MICALL2: variants seen among roughly 807,000 people sequenced by gnomAD.
MICALL2 encodes the protein MICAL like 2, also known as MICAL-like protein 2.
In MICALL2, 111 loss-of-function variants were observed where a neutral mutation model predicts 91.1. The ratio of observed to expected loss-of-function variants is 1.22; its 90% confidence interval spans 1.04 to 1.43. The LOEUF (loss-of-function observed/expected upper bound fraction) is 1.43, where lower values mean the gene tolerates loss of function less well. Ranked by LOEUF, MICALL2 falls within the 40% of genes most tolerant of loss-of-function variation. The pLI, the probability that MICALL2 is intolerant of heterozygous loss-of-function variation, is 0.00. For missense variants in MICALL2, 1,556 were observed against 1,236.0 expected (o/e 1.26, Z -3.88); for synonymous variants, 694 against 525.3 (o/e 1.32, Z -4.39).
In MICALL2 at chr7:1,451,544, G is replaced by A. The variant is rs1479288297; in HGVS notation, c.144-1256C>T. Among the ~76,000 whole-genome samples the A allele has an allele frequency of 6.6e-6, 1 of 152,216 alleles. No homozygotes were observed. The highest frequency in any genetic ancestry group is 1.5e-5 in the Non-Finnish European group (1 of 68,034). On this transcript the variant is annotated intron_variant, in intron 1 of 16. Transcript: ENST00000297508. This position sits in a 1 kb window ranked among gnomAD's most constrained non-coding sequence, Gnocchi z 4.5. ...TGATCGTGACCCGTCTGTCCACGTTGCTGCCTGTGGGGTCCCGGACAGCAG... is the reference window on the plus strand; with the variant it reads ...TGATCGTGACCCGTCTGTCCACGTTACTGCCTGTGGGGTCCCGGACAGCAG...
chr7:1,445,020 T>G lies in MICALL2; in HGVS notation c.1050A>C (p.Ser350=). 6.6e-7 allele frequency: 1 copy of G among 1,525,752 alleles called. No individual in the cohort carries two copies. The highest frequency in any genetic ancestry group is 8.8e-7 in the Non-Finnish European group (1 of 1,134,666). The allele number at this position is 1,525,752 out of a possible 1,614,324, so 94.5% of individuals were successfully genotyped here. A position where few individuals can be genotyped will look rare whatever the true frequency, so the allele number is the denominator to read the frequency against. Residue 350 remains serine (S), a synonymous_variant, in exon 6 of 17, where the codon TCA becomes TCC. Transcript: ENST00000297508. The part of the protein sequence containing the change: ...VTNSSPMGWS[S]AAPCTAAAAS... ...CAGCCGCTGCTGTGCACGGGGCAGCTGACGACCAGCCCATCGGGGAGCTAT... is the reference window on the plus strand; with the variant it reads ...CAGCCGCTGCTGTGCACGGGGCAGCGGACGACCAGCCCATCGGGGAGCTAT...
At chr7:1,440,795 G>C in intron 7 of MICALL2, 111 bp from the exon 8 acceptor site, 4 of 907,220 alleles carry the variant, frequency 4.4e-6, no homozygotes, top group Non-Finnish European at 7.0e-6. Flanking sequence ...TCCACCCTCA[G>C]ACACCCCCAC....
rs1034417585 is a variant in MICALL2, at chr7:1,452,041, G to A, written c.144-1753C>T. On this transcript the variant is annotated intron_variant, in intron 1 of 16. Coordinates refer to ENST00000297508, the MANE Select transcript of MICALL2 (RefSeq NM_182924.4). This position sits in a 1 kb window ranked among gnomAD's most constrained non-coding sequence, Gnocchi z 6.2. ...TCTCTCCTTAGGAAGCCCCCGCCCC[G>A]TCCGCCTGCAGCCCTGCCGTCCATC... Among the ~76,000 whole-genome samples the A allele has an allele frequency of 9.2e-5, 14 of 152,226 alleles. No homozygotes were observed. Among genetic ancestry groups the A allele is most frequent in the Non-Finnish European group, 1.3e-4 (9 of 68,002 alleles).
rs1371485202 is a variant in MICALL2, at chr7:1,439,718, C to T, written c.1966+207G>A. Reference sequence around the variant, plus strand: ...ATGCATCACGCATGGATACAGGCATCACATACATGAACACATGCACACATG... The same window carrying T: ...ATGCATCACGCATGGATACAGGCATTACATACATGAACACATGCACACATG... On this transcript the variant is annotated intron_variant, in intron 9 of 16. Coordinates refer to ENST00000297508, the MANE Select transcript of MICALL2 (RefSeq NM_182924.4). The T allele has an allele frequency of 2.0e-4, 89 of 441,600 alleles. No individual in the cohort carries two copies. The Admixed American group carries it at 3.8e-3, about 19-fold the overall frequency. 27.4% of individuals were successfully genotyped at this position (441,600 alleles called of 1,614,324 possible).
Position 1,435,151 on chromosome 7 carries a change from A to C in MICALL2, c.2592-4T>G. The C allele has an allele frequency of 1.2e-6, 2 of 1,613,440 alleles. No homozygotes were observed. Among genetic ancestry groups the C allele is most frequent in the Admixed American group, 1.7e-5 (1 of 60,022 alleles). Reference sequence around the variant, plus strand: ...CATCTGATCCTCCTCTTGTTCCCTGAAACGGGACCAGATGGCCATGAGCGA... The same window carrying C: ...CATCTGATCCTCCTCTTGTTCCCTGCAACGGGACCAGATGGCCATGAGCGA... On this transcript the variant is annotated splice_polypyrimidine_tract_variant and splice_region_variant and intron_variant, in intron 15 of 16. Transcript: ENST00000297508.
At chr7:1,440,411 C>A in intron 8 of MICALL2, 180 bp downstream of exon 8, 1 of 658,784 alleles carries the variant, frequency 1.5e-6, no homozygotes, top group Admixed American at 2.5e-5. Context: ...CGCAACGCTG[C>A]CCCCAAACCA....
rs1562454979 is a variant in MICALL2 at position 1,442,321 on chromosome 7, CCTGAGAGGTA to C, written c.1572_1581del (p.Ser524ArgfsTer42). ...CTGCCTGCCGGGGGCAACGCGGATG[CCTGAGAGGTA>C]CTGCTCGTGCTCAGCGGGGCTGGCG... is the stretch of plus-strand genomic sequence containing the variant. On this transcript the variant is annotated frameshift_variant, in exon 7 of 17. Transcript: ENST00000297508. LOFTEE classifies it high-confidence loss of function. 8.1e-6 allele frequency: 13 copies of C among 1,613,228 alleles called. No individual in the cohort carries two copies. The highest frequency in any genetic ancestry group is 1.1e-5 in the Non-Finnish European group (13 of 1,179,914).
chr7:1,458,332 C>A lies in MICALL2; in HGVS notation c.143+852G>T, dbSNP rs953520910. Among the ~76,000 whole-genome samples, 21 of 152,328 alleles carry A rather than the reference C, an allele frequency of 1.4e-4. 1 individual carries two copies. In the South Asian group the frequency reaches 4.4e-3, roughly 32 times the overall value. On this transcript the variant is annotated intron_variant, in intron 1 of 16. Coordinates refer to ENST00000297508, the MANE Select transcript of MICALL2 (RefSeq NM_182924.4). The stretch of plus-strand genomic sequence containing the variant: ...TCCTCCCAACCCCGAGACCTTCCCA[C>A]CAAAAACACACTCAGGAGAACGCTT...
At chr7:1,449,601 T>C (rs899003288) in intron 2 of MICALL2, among the ~76,000 whole-genome samples, 50 of 152,356 alleles carry the variant, frequency 3.3e-4, no homozygotes, top group African/African-American at 1.2e-3. Context: ...GCCGGGCAGG[T>C]ATGACTGTCT....
intron 1 of MICALL2, among the ~76,000 whole-genome samples, chr7:1,455,897 G>A (rs1229800960): frequency 2.0e-5 from 3 of 151,958 alleles, no homozygotes; most frequent in East Asian, 1.9e-4. Context: ...TGGCAAGGGC[G>A]GGGCCTCACA....
In MICALL2 at chr7:1,434,582, G is replaced by C. The variant is rs374801423; in HGVS notation, c.*14C>G. On this transcript the variant is annotated 3_prime_UTR_variant, in exon 17 of 17. Transcript: ENST00000297508. ...GATGCCAGGTCCGGGCCGAGCCCAC[G>C]GCCCTACTGGCTACTACTGGGAGGG... is the stretch of plus-strand genomic sequence containing the variant. 6.2e-6 allele frequency: 10 copies of C among 1,607,468 alleles called. No individual in the cohort carries two copies. The highest frequency in any genetic ancestry group is 8.5e-6 in the Non-Finnish European group (10 of 1,174,490).
At chr7:1,450,774 G>A (rs1281596267) in intron 1 of MICALL2, among the ~76,000 whole-genome samples, 1 of 152,180 alleles carries the variant, frequency 6.6e-6, no homozygotes, top group Non-Finnish European at 1.5e-5. Context: ...GGCCAGCCAC[G>A]CTGCCCCCGA....
intron 2 of MICALL2, 125 bp downstream of exon 2, chr7:1,450,115 C>G (rs1024113491): frequency 6.7e-6 from 5 of 749,904 alleles, no homozygotes; most frequent in South Asian, 6.3e-5. Flanking sequence ...AGGGAGCCCC[C>G]GATTCCCAGG....
In MICALL2 at chr7:1,444,858, T is replaced by G. The variant is rs771879272; in HGVS notation, c.1212A>C (p.Pro404=). Residue 404 remains proline, a synonymous_variant, in exon 6 of 17, where the codon CCA becomes CCC. Coordinates refer to ENST00000297508, the MANE Select transcript of MICALL2 (RefSeq NM_182924.4). The stretch of plus-strand genomic sequence containing the variant: ...TCCTGGAGGCGGACGGGGTCCAGGC[T>G]GGGGGGTCCACCGTGGCTGCAGATG... ...SSTSAATVDP[P]AWTPSASRTQ... is the part of the protein sequence containing the mutation. The G allele has an allele frequency of 1.9e-6, 3 of 1,603,178 alleles. No individual in the cohort carries two copies. Among genetic ancestry groups the G allele is most frequent in the Admixed American group, 1.7e-5 (1 of 59,436 alleles).
In MICALL2 at chr7:1,451,344, G is replaced by T. The variant is rs961103315; in HGVS notation, c.144-1056C>A. On this transcript the variant is annotated intron_variant, in intron 1 of 16. Coordinates refer to ENST00000297508, the MANE Select transcript of MICALL2 (RefSeq NM_182924.4). This position sits in a 1 kb window ranked among gnomAD's most constrained non-coding sequence, Gnocchi z 4.5. ...AACCACCAGGCTCCCAGCACGGGCT[G>T]CGGCTTCTGGGAGGGAGGGTTGGTT... Among the ~76,000 whole-genome samples the T allele has an allele frequency of 1.3e-5, 2 of 152,254 alleles. No individual in the cohort carries two copies. The highest frequency in any genetic ancestry group is 3.9e-4 in the East Asian group (2 of 5,172).
chr7:1,434,985 G>GCCCCCCCCCCCCCCC, intron 16 of MICALL2, 116 bp downstream of exon 16: 1 of 255,664 alleles, frequency 3.9e-6, no homozygotes, highest in Non-Finnish European at 7.4e-6. Flanking sequence ...CCCGATACCC[G>GCCCCCCCCCCCCCCC]CCCCCCCCCC....
At chr7:1,456,994 T>C (rs1177006528) in intron 1 of MICALL2, among the ~76,000 whole-genome samples, 12 of 152,318 alleles carry the variant, frequency 7.9e-5, no homozygotes, top group African/African-American at 2.9e-4. Flanking sequence ...CTCACGGCTC[T>C]GGAGGCCGGA....
chr7:1,444,627 G>C lies in MICALL2; in HGVS notation c.1418+25C>G, dbSNP rs780444120. ...GCTGGTGCAAAGAGGCCATACCCGG[G>C]GTCCCTCGGTCCCCACGCGCTCACC... On this transcript the variant is annotated intron_variant, in intron 6 of 16. Coordinates refer to ENST00000297508, the MANE Select transcript of MICALL2 (RefSeq NM_182924.4). 35 of 1,597,160 alleles carry C rather than the reference G, an allele frequency of 2.2e-5. No homozygotes were observed. The Admixed American group carries it at 5.8e-4, about 26-fold the overall frequency.
rs1281440643 is a variant in MICALL2 at position 1,445,291 on chromosome 7, G to A, written c.779C>T (p.Pro260Leu). The A allele has an allele frequency of 1.9e-6, 3 of 1,612,098 alleles. No homozygotes were observed. The highest frequency in any genetic ancestry group is 1.3e-5 in the African/African-American group (1 of 74,922). ...PKLTGLVPRQ[P>L]GAMGVDSRTS... ...CCTGGAATCCACACCCATGGCCCCTGGCTGTCGGGGGACCAGACCCGTCAA... is the reference window on the plus strand; with the variant it reads ...CCTGGAATCCACACCCATGGCCCCTAGCTGTCGGGGGACCAGACCCGTCAA... The change falls in exon 6 of 17, where the codon CCA (proline) becomes CTA (leucine). Residue 260 changes from proline to leucine, a missense_variant. Physicochemically the swap from Pro to Leu is moderately conservative, Grantham distance 98. Transcript: ENST00000297508.
Sources: gnomAD v4.1 joint callset for allele counts (sites outside exome capture counted in the v4.1 genomes callset) on GRCh38, gnomAD v4.1.1 for gene constraint, Gnocchi (gnomAD v3.1) non-coding constraint, MANE v1.5 for transcripts, NCBI Gene and HGNC (gene_info 2026-07-23, HGNC 2026-07-21) for gene names.